Variants in PFKL observed in about 807,000 individuals in gnomAD.
PFKL encodes ATP-dependent 6-phosphofructokinase, liver type.
Under a neutral mutation model 92.1 loss-of-function variants are expected in PFKL, and 74 were observed. The ratio of observed to expected loss-of-function variants is 0.80; its 90% CI spans 0.67 to 0.97. PFKL has a LOEUF of 0.97. Among genes scored for constraint, PFKL ranks in the 50% least tolerant of loss-of-function variants. The pLI is 0.00. For missense variants in PFKL, 1,028 were observed against 1,116.6 expected, an observed-to-expected ratio of 0.92 and a Z score of 1.13; for synonymous variants, 494 against 456.4, an observed-to-expected ratio of 1.08 and a Z score of -1.05.
intron 12 of PFKL, chr21:44,320,430 T>A: frequency 3.1e-6 from 1 of 322,210 alleles, no homozygotes; most frequent in Admixed American, 4.7e-5. Context: ...GGAGAAGCCA[T>A]TGTGTAGAAA....
intron 1 of PFKL, 73 bp from the exon 2 acceptor site, chr21:44,306,608 C>G (rs912518140): frequency 7.3e-7 from 1 of 1,364,044 alleles, no homozygotes; most frequent in African/African-American, 1.5e-5. Flanking sequence ...ACCCCCTGTC[C>G]TCTGAGATGG....
intron 1 of PFKL, chr21:44,305,317 G>C (rs117846062): frequency 7.3e-7 from 1 of 1,365,322 alleles, no homozygotes; most frequent in South Asian, 1.1e-5. Context: ...GCTGGAGAGC[G>C]GATGAGAAGC....
intron 1 of PFKL, among the ~76,000 whole-genome samples, chr21:44,306,473 G>T (rs1442076343): frequency 6.6e-6 from 1 of 151,792 alleles, no homozygotes; most frequent in Non-Finnish European, 1.5e-5. Flanking sequence ...CCTACCCCCT[G>T]CCCTCTGAGA....
chr21:44,319,307 G>A (rs370262165), intron 10 of PFKL, 44 bp from the exon 11 acceptor site: 20 of 1,541,682 alleles, frequency 1.3e-5, no homozygotes, highest in Non-Finnish European at 1.7e-5. Context: ...ATGGGTGTGC[G>A]GGCCAGGCTC....
intron 1 of PFKL, 142 bp from the exon 2 acceptor site, chr21:44,306,539 A>C: frequency 1.5e-6 from 1 of 686,206 alleles, no homozygotes; most frequent in Non-Finnish European, 2.5e-6. Flanking sequence ...GAGGAGGGTG[A>C]CCAGGGCCTT....
chr21:44,314,064 G>A, intron 7 of PFKL, 43 bp downstream of exon 7: 1 of 1,362,040 alleles, frequency 7.3e-7, no homozygotes, highest in Non-Finnish European at 1.0e-6. Flanking sequence ...GTGTCCTGGT[G>A]CACTGGGTAG....
In PFKL at chr21:44,323,651, C is replaced by T. The variant is rs138059722; in HGVS notation, c.1498-115C>T. 1.5e-3 allele frequency: 1,693 copies of T among 1,154,294 alleles called. 24 individuals are homozygous for T. In the African/African-American group the frequency reaches 0.022, roughly 15 times the overall value. The allele number at this position is 1,154,294 out of a possible 1,614,324, so 71.5% of individuals were successfully genotyped here. On this transcript the variant is annotated intron_variant, in intron 15 of 21. Coordinates refer to ENST00000349048, the MANE Select transcript of PFKL (RefSeq NM_002626.6). ...AGCAGGTGGGTCCTGGCGTCCAGCA[C>T]GGGGCACATGACAGGTCAGCAGGGA...
intron 1 of PFKL, among the ~76,000 whole-genome samples, chr21:44,303,430 G>GAAAAAAAAAAAAAAAAAAA: frequency 2.7e-5 from 1 of 37,342 alleles, no homozygotes; most frequent in Non-Finnish European, 4.6e-5. Flanking sequence ...AAACAGACTT[G>GAAAAAAAAAAAAAAAAAAA]ACCAAAAAAA....
chr21:44,316,738 AGTGTGTGTGGGTGTGTGTCAGTGTGG>A lies in PFKL; in HGVS notation c.936+229_936+254del, dbSNP rs947677703. ...TCTGGTCCGTGTGGGTGTGTGTGGC[AGTGTGTGTGGGTGTGTGTCAGTGTGG>A]GTGTGTGTGGGTGTTCCCTCAAGCT... On this transcript the variant is annotated intron_variant, in intron 9 of 21. Coordinates refer to ENST00000349048, the MANE Select transcript of PFKL (RefSeq NM_002626.6). Among the ~76,000 whole-genome samples the A allele has an allele frequency of 1.3e-4, 19 of 150,894 alleles. 1 individual carries two copies. Among genetic ancestry groups the A allele is most frequent in the Middle Eastern group, 3.2e-3 (1 of 314 alleles).
Position 44,308,635 on chromosome 21 carries a change from C to T in PFKL, c.159+1881C>T, listed in dbSNP as rs139518942. Among the ~76,000 whole-genome samples the T allele has an allele frequency of 4.7e-4, 70 of 149,338 alleles. 1 individual carries two copies. Among genetic ancestry groups the T allele is most frequent in the South Asian group, 4.5e-3 (21 of 4,706 alleles). On this transcript the variant is annotated intron_variant, in intron 2 of 21. Coordinates refer to ENST00000349048, the MANE Select transcript of PFKL (RefSeq NM_002626.6). ...GGAGCGCAGTGGCACAATCTTGGCT[C>T]GCTGCAACCTCTGCCTCCCAGGTTC...
intron 1 of PFKL, chr21:44,305,479 C>A: frequency 7.8e-7 from 1 of 1,277,522 alleles, no homozygotes; most frequent in Non-Finnish European, 1.0e-6. Context: ...TTGAGGGGCA[C>A]GAGGCTTGGG....
chr21:44,311,575 G>A (rs2838547), intron 3 of PFKL, among the ~76,000 whole-genome samples: 1 of 152,128 alleles, frequency 6.6e-6, no homozygotes. Context: ...GGTTCAGGCC[G>A]ACCCTGTCAT....
chr21:44,319,154 G>A (rs149478141), intron 10 of PFKL, among the ~76,000 whole-genome samples, 197 bp from the exon 11 acceptor site: 30 of 152,290 alleles, frequency 2.0e-4, no homozygotes, highest in Non-Finnish European at 4.0e-4. Flanking sequence ...GGCAGGGTAG[G>A]GCCTCCTGGT....
Position 44,311,053 on chromosome 21 carries a change from C to T in PFKL, c.207C>T (p.Asn69=), listed in dbSNP as rs2047026854. 2 of 1,613,216 alleles carry T rather than the reference C, an allele frequency of 1.2e-6. No homozygotes were observed. The highest frequency in any genetic ancestry group is 1.7e-6 in the Non-Finnish European group (2 of 1,179,638). ...VEGGENIKQA[N]WLSVSNIIQL... ...GAGGTGAGAACATCAAGCAGGCCAA[C>T]TGGCTGAGCGTCTCCAACATCATCC... Residue 69 remains asparagine (N), a synonymous_variant, in exon 3 of 22, where the codon AAC becomes AAT. Coordinates refer to ENST00000349048, the MANE Select transcript of PFKL (RefSeq NM_002626.6).
At chr21:44,320,335 G>A in intron 12 of PFKL, 188 bp downstream of exon 12, 2 of 519,440 alleles carry the variant, frequency 3.9e-6, no homozygotes, top group Non-Finnish European at 3.5e-6. Flanking sequence ...CAGGTCCCGG[G>A]TGCTGGGACC....
intron 13 of PFKL, 28 bp downstream of exon 13, chr21:44,321,903 G>T: frequency 6.6e-7 from 1 of 1,515,026 alleles, no homozygotes; most frequent in Non-Finnish European, 8.9e-7. Context: ...AAACAAGTGA[G>T]GACTTGGGCC....
intron 15 of PFKL, 95 bp downstream of exon 15, chr21:44,323,144 C>T: frequency 1.9e-6 from 2 of 1,057,802 alleles, no homozygotes; most frequent in Non-Finnish European, 2.9e-6. Flanking sequence ...CGTGTGCTGG[C>T]TGGGCCGATG....
chr21:44,304,700 CGGCTGTCTGTCTCGGGGGGCTT>C (rs2040879794), intron 1 of PFKL, among the ~76,000 whole-genome samples: 2 of 110,124 alleles, frequency 1.8e-5, no homozygotes, highest in Non-Finnish European at 1.7e-5. Context: ...GGGGGGGGCT[CGGCTGTCTGTCTCGGGGGGCTT>C]GGCTGTCTGC....
chr21:44,313,663 G>C lies in PFKL; in HGVS notation c.619G>C (p.Val207Leu). ...CCACCAGAGGACCTTCGTGCTGGAA[G>C]TGATGGGCCGGCACTGCGGGTGAGG... ...QSHQRTFVLE[V>L]MGRHCGYLAL... is the part of the protein sequence containing the mutation. Residue 207 changes from valine to leucine, a missense_variant, in exon 6 of 22, where the codon GTG becomes CTG. Val to Leu is a conservative substitution (Grantham distance 32). Coordinates refer to ENST00000349048, the MANE Select transcript of PFKL (RefSeq NM_002626.6). 6.2e-7 allele frequency: 1 copy of C among 1,612,418 alleles called. No homozygotes were observed. The highest frequency in any genetic ancestry group is 1.3e-5 in the African/African-American group (1 of 75,078).
Sources: allele counts gnomAD v4.1 joint callset (sites outside exome capture counted in the v4.1 genomes callset), GRCh38; gene constraint gnomAD v4.1.1; transcripts MANE v1.5; gene names NCBI Gene and HGNC (gene_info 2026-07-23, HGNC 2026-07-21).